The following VWCE variants were observed in gnomAD, a reference collection of about 807,000 sequenced individuals.
VWCE encodes von Willebrand factor C and EGF domain-containing protein.
Under a neutral mutation model 102.9 loss-of-function variants are expected in VWCE, and 68 were observed. The observed-to-expected ratio is 0.66, with a 90% CI of 0.54 to 0.81. The LOEUF (loss-of-function observed/expected upper bound fraction) is 0.81. Among genes scored for constraint, VWCE ranks in the 30% least tolerant of loss-of-function variants. The pLI is 0.00. For missense variants in VWCE, 1,137 were observed against 1,263.6 expected (o/e 0.90, Z 1.52); for synonymous variants, 497 against 515.4 (o/e 0.96, Z 0.48).
Position 61,274,535 on chromosome 11 carries a change from A to C in VWCE, c.1545T>G (p.Ser515Arg). ...AGGTGGTACACTCGTCACCACCCCC[A>C]CTGAACACAGCCCCGTCTGCGTACC... ...GRWYADGAVF[S>R]GGGDECTTCV... is the part of the protein sequence containing the mutation. The change falls in exon 12 of 20, where the codon AGT becomes AGG. Residue 515 changes from serine to arginine, a missense_variant. Physicochemically the swap from Ser to Arg is moderately radical, Grantham distance 110. This residue lies in a region of VWCE where 212 missense variants were observed against 235.1 expected (regional missense o/e 0.90). Coordinates refer to ENST00000335613, the MANE Select transcript of VWCE (RefSeq NM_152718.2). 1 of 1,613,574 alleles carries C rather than the reference A, an allele frequency of 6.2e-7. No individual in the cohort carries two copies.
At chr11:61,278,312 C>T (rs1854993484) in intron 10 of VWCE, 82 bp downstream of exon 10, 2 of 1,463,806 alleles carry the variant, frequency 1.4e-6, no homozygotes, top group Non-Finnish European at 1.9e-6. Flanking sequence ...TCACCTTTAA[C>T]ATCCGGTCTT....
At chr11:61,278,283 TC>T (rs756815845) in intron 10 of VWCE, 110 bp downstream of exon 10, 31 of 1,160,864 alleles carry the variant, frequency 2.7e-5, no homozygotes, top group Non-Finnish European at 3.7e-5. Flanking sequence ...CTGAGAATGT[TC>T]CCTTCCACTC....
At position 61,282,925 on chromosome 11, in the gene VWCE, G is replaced by A; in HGVS notation, c.542-20C>T. 1 of 1,597,278 alleles carries A rather than the reference G, an allele frequency of 6.3e-7. No individual in the cohort carries two copies. Among genetic ancestry groups the A allele is most frequent in the South Asian group, 1.1e-5 (1 of 90,716 alleles). ...CAGTGTCTGGCAGGAAAAGGGACAA[G>A]ACTGGGGTTCATTTCCCCAACAGAA... On this transcript the variant is annotated intron_variant, in intron 5 of 19. Coordinates refer to ENST00000335613, the MANE Select transcript of VWCE (RefSeq NM_152718.2).
intron 2 of VWCE, 56 bp downstream of exon 2, chr11:61,291,426 G>T (rs1326345557): frequency 6.4e-7 from 1 of 1,569,914 alleles, no homozygotes; most frequent in Admixed American, 1.9e-5. Context: ...GGGACTGAGG[G>T]CTGGCAACAC....
intron 4 of VWCE, among the ~76,000 whole-genome samples, chr11:61,286,749 C>T (rs1329623229): frequency 5.9e-5 from 9 of 151,412 alleles, no homozygotes; most frequent in African/African-American, 1.9e-4. Flanking sequence ...TGCGGTGAGC[C>T]GAGATTGCGC....
Position 61,267,530 on chromosome 11 carries a change from CT to C in VWCE, c.1896del (p.Gly633AlafsTer18), listed in dbSNP as rs1565218167. The C allele has an allele frequency of 6.2e-7, 1 of 1,614,146 alleles. No individual in the cohort carries two copies. The highest frequency in any genetic ancestry group is 2.2e-5 in the East Asian group (1 of 44,872). On this transcript the variant is annotated frameshift_variant, in exon 16 of 20. Transcript: ENST00000335613. LOFTEE classifies it high-confidence loss of function. ...GTCTCGTTGTTATAGAAGATTCTGCCTGTGTAGGTGCAGCCTGCCAGAGAGA... is the reference window on the plus strand; with the variant it reads ...GTCTCGTTGTTATAGAAGATTCTGCCGTGTAGGTGCAGCCTGCCAGAGAGA... ...CPDCSAGCTY[T>X]GRIFYNNETF...
intron 6 of VWCE, chr11:61,282,567 G>A: frequency 1.9e-6 from 1 of 527,492 alleles, no homozygotes; most frequent in Non-Finnish European, 3.4e-6. Flanking sequence ...AAACATAACA[G>A]GATGAAAGTG....
intron 14 of VWCE, among the ~76,000 whole-genome samples, chr11:61,270,957 C>T (rs1301576895): frequency 6.6e-6 from 1 of 151,936 alleles, no homozygotes; most frequent in Non-Finnish European, 1.5e-5. Context: ...GATCCTCCCA[C>T]CTTAGCCTCC....
chr11:61,294,982 G>T lies in VWCE; in HGVS notation c.56C>A (p.Ala19Glu). The T allele has an allele frequency of 6.8e-7, 1 of 1,474,536 alleles. No homozygotes were observed. Among genetic ancestry groups the T allele is most frequent in the Non-Finnish European group, 9.0e-7 (1 of 1,114,452 alleles). The allele number at this position is 1,474,536 out of a possible 1,614,324, so 91.3% of individuals were successfully genotyped here. The stretch of plus-strand genomic sequence containing the variant: ...CCTCCCGGTGTAGCCTCGGGCTGGT[G>T]CCCCCGGCAGCAGGAGCGCGACACA... ...AACVALLLPGAPARGYTGRKP... is the reference protein window; with the variant it reads ...AACVALLLPGEPARGYTGRKP... Residue 19 changes from alanine to glutamate, a missense_variant, in exon 1 of 20, where the codon GCA becomes GAA. This residue lies in a region of VWCE where 575 missense variants were observed against 625.9 expected (regional missense o/e 0.92). Coordinates refer to ENST00000335613, the MANE Select transcript of VWCE (RefSeq NM_152718.2). The surrounding 1 kb of genome is among the most constrained non-coding windows in gnomAD (Gnocchi z 6.3).
intron 9 of VWCE, among the ~76,000 whole-genome samples, chr11:61,279,407 T>C (rs1300845514): frequency 2.0e-5 from 3 of 150,060 alleles, no homozygotes; most frequent in South Asian, 2.1e-4. Flanking sequence ...CTGTTGCCAA[T>C]AAAAAAAAAG....
At chr11:61,290,718 G>A (rs534104421) in intron 4 of VWCE, 81 bp downstream of exon 4, 5 of 1,496,788 alleles carry the variant, frequency 3.3e-6, no homozygotes, top group African/African-American at 2.7e-5. Context: ...CAATACACTG[G>A]AGACCATCCT....
chr11:61,265,271 G>T, intron 16 of VWCE, 59 bp from the exon 17 acceptor site: 1 of 1,389,070 alleles, frequency 7.2e-7, no homozygotes, highest in Non-Finnish European at 9.6e-7. Flanking sequence ...AAGACACTCA[G>T]GAAGATGCCG....
rs1854712161 is a variant in VWCE, at chr11:61,271,752, G to A, written c.1708C>T (p.Leu570Phe). Residue 570 changes from leucine (L) to phenylalanine (F), a missense_variant, in exon 14 of 20, where the codon CTT (leucine) becomes TTT (phenylalanine). Physicochemically the swap from Leu to Phe is conservative, Grantham distance 22 (BLOSUM62 0). Coordinates refer to ENST00000335613, the MANE Select transcript of VWCE (RefSeq NM_152718.2). ...QEPTPSTGCS[L>F]DDNGVEFPIG... The stretch of plus-strand genomic sequence containing the variant: ...GGAAACTCAACCCCGTTGTCGTCAA[G>A]AGAGCAGCCTGGATGAGGACAATGG... 6.2e-7 allele frequency: 1 copy of A among 1,613,404 alleles called. No homozygotes were observed. The highest frequency in any genetic ancestry group is 8.5e-7 in the Non-Finnish European group (1 of 1,179,714).
At chr11:61,264,675 G>A (rs547602917) in intron 18 of VWCE, 98 bp from the exon 19 acceptor site, 114 of 1,311,900 alleles carry the variant, frequency 8.7e-5, no homozygotes, top group African/African-American at 2.8e-4. Context: ...CAGGACCCAC[G>A]GAAAGATCCC....
chr11:61,289,073 C>T (rs997600623), intron 4 of VWCE, among the ~76,000 whole-genome samples: 1 of 151,866 alleles, frequency 6.6e-6, no homozygotes, highest in African/African-American at 2.4e-5. Context: ...CCCCTGACCT[C>T]GTGATCCACC....
At chr11:61,286,728 G>C (rs1337711985) in intron 4 of VWCE, among the ~76,000 whole-genome samples, 2 of 152,286 alleles carry the variant, frequency 1.3e-5, no homozygotes, top group African/African-American at 4.8e-5. Context: ...TTGAACCCAG[G>C]AGGCGGAGGT....
chr11:61,290,954 A>C (rs769210958), intron 3 of VWCE, 27 bp from the exon 4 acceptor site: 34 of 1,604,204 alleles, frequency 2.1e-5, no homozygotes, highest in Non-Finnish European at 2.7e-5. Flanking sequence ...ACCAGTGAGC[A>C]TGCACCCCGT....
intron 1 of VWCE, among the ~76,000 whole-genome samples, chr11:61,292,298 G>C (rs956281248): frequency 6.6e-6 from 1 of 151,654 alleles, no homozygotes; most frequent in African/African-American, 2.4e-5. Flanking sequence ...CCTTCACCCA[G>C]ATCTCTGCCC....
intron 12 of VWCE, 144 bp downstream of exon 12, chr11:61,274,355 T>C: frequency 3.0e-6 from 2 of 674,542 alleles, no homozygotes; most frequent in Non-Finnish European, 2.5e-6. Flanking sequence ...ACCTGGGGGA[T>C]CCCTGTAGTG....
Sources: allele counts gnomAD v4.1 joint callset (sites outside exome capture counted in the v4.1 genomes callset), GRCh38; gene constraint gnomAD v4.1.1; regional missense constraint gnomAD v4.1.1; non-coding constraint Gnocchi (gnomAD v3.1); transcripts MANE v1.5; gene names NCBI Gene and HGNC (gene_info 2026-07-23, HGNC 2026-07-21).